Variants in RET observed in about 807,000 individuals in gnomAD.
RET encodes proto-oncogene tyrosine-protein kinase receptor Ret.
A neutral mutation model predicts 118.3 loss-of-function variants in RET; 19 were observed. That is an observed-to-expected ratio of 0.16 (90% CI 0.11 to 0.24). The LOEUF (loss-of-function observed/expected upper bound fraction) is 0.24, where lower values mean the gene tolerates loss of function less well. RET is among the 10% of genes least tolerant of loss of function. The probability of loss-of-function intolerance (pLI) is 1.00; values close to 1 mark genes in which losing one functional copy is unlikely to be tolerated. For synonymous variants in RET, 597 were observed against 644.1 expected (o/e 0.93, Z 1.11); for missense variants, 1,219 against 1,502.1 (o/e 0.81, Z 3.12).
intron 3 of RET, among the ~76,000 whole-genome samples, chr10:43,104,439 C>T (rs1259093842): frequency 6.6e-6 from 1 of 152,142 alleles, no homozygotes; most frequent in Non-Finnish European, 1.5e-5. Context: ...ATCGCCTGAA[C>T]CCGGGAGTTG....
intron 3 of RET, 22 bp downstream of exon 3, chr10:43,102,651 C>T (rs1302252260): frequency 1.2e-6 from 2 of 1,613,448 alleles, no homozygotes; most frequent in Non-Finnish European, 1.7e-6. Flanking sequence ...CCTTGTGGGG[C>T]CGCCCCACAG....
chr10:43,113,169 A>G (rs946689800), intron 9 of RET, among the ~76,000 whole-genome samples: 2 of 152,204 alleles, frequency 1.3e-5, no homozygotes. Context: ...CAGACTGTCC[A>G]GGCCCCTGCT....
chr10:43,105,412 G>A (rs1405217111), intron 4 of RET, among the ~76,000 whole-genome samples: 1 of 152,094 alleles, frequency 6.6e-6, no homozygotes, highest in Non-Finnish European at 1.5e-5. Context: ...CAAGGACCAG[G>A]ACGAGGCCCG....
intron 1 of RET, among the ~76,000 whole-genome samples, chr10:43,090,089 C>T (rs1234154817): frequency 6.6e-6 from 1 of 152,186 alleles, no homozygotes; most frequent in Admixed American, 6.5e-5. Context: ...ATACCAGGCT[C>T]TGTGTATGAA....
At chr10:43,105,874 C>T (rs373843581) in intron 4 of RET, among the ~76,000 whole-genome samples, 1 of 61,512 alleles carries the variant, frequency 1.6e-5, no homozygotes, top group South Asian at 4.3e-4. Flanking sequence ...GTGGGCAGAG[C>T]CATCCAGGTG....
At chr10:43,101,960 T>C (rs1419677202) in intron 2 of RET, among the ~76,000 whole-genome samples, 1 of 152,118 alleles carries the variant, frequency 6.6e-6, no homozygotes, top group African/African-American at 2.4e-5. Context: ...CCTCTAGGCA[T>C]TGGGGAAGTA....
chr10:43,081,057 C>T (rs923598237), intron 1 of RET, among the ~76,000 whole-genome samples: 1 of 152,144 alleles, frequency 6.6e-6, no homozygotes, highest in African/African-American at 2.4e-5. Flanking sequence ...TCCAGGACAG[C>T]CTGGGAGAAG....
At position 43,090,302 on chromosome 10, in the gene RET, G is replaced by A. The variant is rs189742229; in HGVS notation, c.74-10157G>A. ...GGAAGAGAGCAGGACGCCAGGCAGG[G>A]TGCACTTAATCGTCACTTGGAAACC... is the stretch of plus-strand genomic sequence containing the variant. On this transcript the variant is annotated intron_variant, in intron 1 of 19. Transcript: ENST00000355710. Among the ~76,000 whole-genome samples the A allele has an allele frequency of 2.2e-3, 334 of 152,306 alleles. 5 individuals carry two copies. The highest frequency in any genetic ancestry group is 1.5e-3 in the East Asian group (8 of 5,194).
chr10:43,113,083 C>G, intron 9 of RET, 120 bp downstream of exon 9: 1 of 818,624 alleles, frequency 1.2e-6, no homozygotes, highest in Non-Finnish European at 2.1e-6. Context: ...AGCTGAGCCT[C>G]CTGTGCATTT....
intron 1 of RET, among the ~76,000 whole-genome samples, chr10:43,080,966 A>T (rs1323305250): frequency 6.6e-6 from 1 of 152,094 alleles, no homozygotes; most frequent in Non-Finnish European, 1.5e-5. Flanking sequence ...GGGTGCAGGG[A>T]TGGGGTTTGG....
At chr10:43,099,842 G>A (rs901876010) in intron 1 of RET, among the ~76,000 whole-genome samples, 4 of 152,202 alleles carry the variant, frequency 2.6e-5, no homozygotes, top group Admixed American at 2.0e-4. Flanking sequence ...AGGTGTTTGC[G>A]TGTATCCATA....
At position 43,104,935 on chromosome 10, in the gene RET, G is replaced by T. The variant is rs2132702512; in HGVS notation, c.626-17G>T. On this transcript the variant is annotated splice_polypyrimidine_tract_variant and intron_variant, in intron 3 of 19. Coordinates refer to ENST00000355710, the MANE Select transcript of RET (RefSeq NM_020975.6). ...CGGCTGGTGATCACGCGGGGCCCCT[G>T]TCTGCTTGGTGCGCAGGTGAGGGTC... The T allele has an allele frequency of 6.4e-7, 1 of 1,553,450 alleles. No homozygotes were observed. The highest frequency in any genetic ancestry group is 8.6e-7 in the Non-Finnish European group (1 of 1,158,160).
chr10:43,126,777 T>G, intron 19 of RET, 55 bp downstream of exon 19: 1 of 1,599,832 alleles, frequency 6.3e-7, no homozygotes, highest in Non-Finnish European at 8.5e-7. Context: ...CTTTGCACTA[T>G]CCTTCCTCTC....
intron 1 of RET, among the ~76,000 whole-genome samples, chr10:43,084,250 G>A (rs1027476244): frequency 2.0e-5 from 3 of 152,204 alleles, no homozygotes; most frequent in Admixed American, 1.3e-4. Context: ...ACATGAAATC[G>A]CTAGGTAATT....
At chr10:43,113,861 T>C (rs1838001583) in intron 10 of RET, among the ~76,000 whole-genome samples, 186 bp downstream of exon 10, 1 of 152,196 alleles carries the variant, frequency 6.6e-6, no homozygotes. Flanking sequence ...TAAAGTGTCT[T>C]CTGGCCATAA....
At chr10:43,103,844 G>A (rs548362184) in intron 3 of RET, among the ~76,000 whole-genome samples, 3 of 152,338 alleles carry the variant, frequency 2.0e-5, no homozygotes, top group South Asian at 4.1e-4. Context: ...TAATTCATGC[G>A]CAAGGCATGG....
chr10:43,083,414 G>C (rs1297053793), intron 1 of RET, among the ~76,000 whole-genome samples: 1 of 152,208 alleles, frequency 6.6e-6, no homozygotes, highest in African/African-American at 2.4e-5. Flanking sequence ...TGTCCTTCTT[G>C]TGGCATAGCC....
chr10:43,110,473 T>G (rs1484865446), intron 6 of RET, among the ~76,000 whole-genome samples: 1 of 152,130 alleles, frequency 6.6e-6, no homozygotes, highest in Non-Finnish European at 1.5e-5. Flanking sequence ...TCTGTGGAAC[T>G]TTTGGTTTCA....
chr10:43,089,725 C>A (rs1837371454), intron 1 of RET, among the ~76,000 whole-genome samples: 1 of 152,242 alleles, frequency 6.6e-6, no homozygotes, highest in Non-Finnish European at 1.5e-5. Context: ...TGGCCTGTCC[C>A]ACCTGCTAAC....
Sources: gnomAD v4.1 joint callset for allele counts (sites outside exome capture counted in the v4.1 genomes callset) on GRCh38, gnomAD v4.1.1 for gene constraint, MANE v1.5 for transcripts, NCBI Gene and HGNC (gene_info 2026-07-23, HGNC 2026-07-21) for gene names.